The following MALRD1 variants were observed in gnomAD, a reference collection of about 807,000 sequenced individuals.
MALRD1 encodes the protein MAM and LDL-receptor class A domain-containing protein 1.
Under a neutral mutation model 242.1 loss-of-function variants are expected in MALRD1, and 247 were observed. The ratio of observed to expected loss-of-function variants is 1.02; its 90% CI spans 0.92 to 1.13. MALRD1 has a LOEUF of 1.13. MALRD1 is among the 50% of genes most tolerant of loss of function. The probability of loss-of-function intolerance (pLI) is 0.00; values close to 1 mark genes in which losing one functional copy is unlikely to be tolerated. For synonymous variants in MALRD1, 995 were observed against 866.6 expected (o/e 1.15, Z -2.60); for missense variants, 2,989 against 2,533.1 (o/e 1.18, Z -3.86).
chr10:19,396,144 T>C (rs886462455), intron 28 of MALRD1, among the ~76,000 whole-genome samples: 53 of 3,634 alleles, frequency 0.015, no homozygotes, highest in East Asian at 0.11. Flanking sequence ...TTTTTTTCTT[T>C]TTTTTTTTTT....
chr10:19,301,879 A>T (rs1280685670), intron 21 of MALRD1, among the ~76,000 whole-genome samples: 2 of 151,874 alleles, frequency 1.3e-5, no homozygotes, highest in Non-Finnish European at 2.9e-5. Context: ...CTTAAAAGGA[A>T]AAAAAGAATA....
At chr10:19,681,078 T>A (rs1004196601) in intron 36 of MALRD1, among the ~76,000 whole-genome samples, 1 of 152,124 alleles carries the variant, frequency 6.6e-6, no homozygotes, top group Non-Finnish European at 1.5e-5. Flanking sequence ...CCCTTAACAT[T>A]TTTTTCCTTC....
At chr10:19,440,547 A>T (rs545036169) in intron 28 of MALRD1, among the ~76,000 whole-genome samples, 4 of 151,958 alleles carry the variant, frequency 2.6e-5, no homozygotes, top group East Asian at 1.9e-4. Context: ...CCTGTGTCCA[A>T]GTGTTCTCAT....
intron 32 of MALRD1, among the ~76,000 whole-genome samples, chr10:19,531,821 G>C (rs989312558): frequency 6.6e-6 from 1 of 152,136 alleles, no homozygotes; most frequent in Non-Finnish European, 1.5e-5. Flanking sequence ...GCAATAATCT[G>C]TACCAAATGC....
intron 11 of MALRD1, among the ~76,000 whole-genome samples, chr10:19,147,526 A>G (rs1833765269): frequency 2.0e-5 from 3 of 152,234 alleles, no homozygotes; most frequent in Admixed American, 2.0e-4. Context: ...GTAACTATGT[A>G]TTAACAACAC....
chr10:19,524,947 A>G (rs1424557030), intron 31 of MALRD1, among the ~76,000 whole-genome samples: 2 of 151,886 alleles, frequency 1.3e-5, no homozygotes, highest in African/African-American at 4.8e-5. Context: ...CTTGTTATCC[A>G]GGCTGAAGTG....
At position 19,289,812 on chromosome 10, in the gene MALRD1, G is replaced by A. The variant is rs538173019; in HGVS notation, c.3419+6631G>A. On this transcript the variant is annotated intron_variant, in intron 21 of 39. Transcript: ENST00000454679. ...TAGAAATTTAAAGCCAGGTTTTTAA[G>A]GATGTTGTTTTGGAAATAGTTCTCA... Among the ~76,000 whole-genome samples the A allele has an allele frequency of 3.9e-5, 6 of 152,106 alleles. No individual in the cohort carries two copies. The South Asian group carries it at 6.2e-4, about 16-fold the overall frequency.
Position 19,730,712 on chromosome 10 carries a change from C to T in MALRD1, c.6321C>T (p.Thr2107=), listed in dbSNP as rs1306165478. The part of the protein sequence containing the change: ...LANRKVPIRK[T]EGSGNCAFVN... ...TGGCCCTGTGTGCTTTAAGGAAAACCGAGGGAAGTGGTAACTGTGCCTTTG... is the reference window on the plus strand; with the variant it reads ...TGGCCCTGTGTGCTTTAAGGAAAACTGAGGGAAGTGGTAACTGTGCCTTTG... The change falls in exon 39 of 40, where the codon ACC becomes ACT. Residue 2107 remains threonine, a synonymous_variant. Coordinates refer to ENST00000454679, the MANE Select transcript of MALRD1 (RefSeq NM_001142308.3). The T allele has an allele frequency of 1.7e-5, 26 of 1,536,256 alleles. No individual in the cohort carries two copies. Among genetic ancestry groups the T allele is most frequent in the Non-Finnish European group, 2.1e-5 (24 of 1,147,008 alleles).
At chr10:19,188,774 T>C (rs1835846860) in intron 14 of MALRD1, among the ~76,000 whole-genome samples, 1 of 152,076 alleles carries the variant, frequency 6.6e-6, no homozygotes. Flanking sequence ...GTGTCAGAAA[T>C]GGAAGCAGAA....
rs145136217 is a variant in MALRD1, at chr10:19,423,619, C to T, written c.4846-26688C>T. ...GAATGTAGGCACATGGAGAGGTTCC[C>T]GTGGCAGGTCATCATGTATGTCAAA... On this transcript the variant is annotated intron_variant, in intron 28 of 39. Coordinates refer to ENST00000454679, the MANE Select transcript of MALRD1 (RefSeq NM_001142308.3). Among the ~76,000 whole-genome samples the T allele has an allele frequency of 1.9e-3, 282 of 152,122 alleles. 1 individual carries two copies. The highest frequency in any genetic ancestry group is 6.5e-3 in the African/African-American group (269 of 41,498).
At chr10:19,447,055 C>T (rs1835028326) in intron 28 of MALRD1, among the ~76,000 whole-genome samples, 2 of 98,022 alleles carry the variant, frequency 2.0e-5, no homozygotes, top group South Asian at 9.3e-4. Flanking sequence ...CACACACACA[C>T]ACACACATAC....
At chr10:19,603,670 A>C (rs1299321628) in intron 34 of MALRD1, among the ~76,000 whole-genome samples, 1 of 152,060 alleles carries the variant, frequency 6.6e-6, no homozygotes, top group East Asian at 1.9e-4. Flanking sequence ...TTGTCTTGGC[A>C]ATGCGGGCCC....
At chr10:19,467,929 G>A (rs1274425137) in intron 29 of MALRD1, among the ~76,000 whole-genome samples, 2 of 152,016 alleles carry the variant, frequency 1.3e-5, no homozygotes, top group African/African-American at 4.8e-5. Flanking sequence ...GAGCAGCTGA[G>A]ATTACAGGCA....
At position 19,430,111 on chromosome 10, in the gene MALRD1, C is replaced by CTTTTTTTTTTTTTTTT. The variant is rs1156254998; in HGVS notation, c.4846-20190_4846-20175dup. Among the ~76,000 whole-genome samples, 28 of 83,524 alleles carry CTTTTTTTTTTTTTTTT rather than the reference C, an allele frequency of 3.4e-4. 4 individuals are homozygous for CTTTTTTTTTTTTTTTT. The highest frequency in any genetic ancestry group is 5.4e-4 in the African/African-American group (11 of 20,438). The allele number at this position is 83,524 out of a possible 152,430, so 54.8% of individuals were successfully genotyped here. On this transcript the variant is annotated intron_variant, in intron 28 of 39. Transcript: ENST00000454679. The stretch of plus-strand genomic sequence containing the variant: ...CTTTGCTTGGAATTTCTCCATTTTC[C>CTTTTTTTTTTTTTTTT]TTTTTTTTTTTTTTTTTTTTTGAGA...
chr10:19,109,472 G>C (rs1836598599), intron 5 of MALRD1, among the ~76,000 whole-genome samples: 1 of 152,184 alleles, frequency 6.6e-6, no homozygotes, highest in Non-Finnish European at 1.5e-5. Context: ...CCTATAATTT[G>C]GGGGTAAAGA....
chr10:19,181,688 G>A (rs1042626857), intron 14 of MALRD1, among the ~76,000 whole-genome samples: 4 of 151,938 alleles, frequency 2.6e-5, no homozygotes, highest in African/African-American at 7.3e-5. Context: ...ACAGATTTGA[G>A]ATTTGAGATT....
intron 26 of MALRD1, among the ~76,000 whole-genome samples, chr10:19,367,730 TG>T (rs1161243493): frequency 2.0e-5 from 3 of 152,048 alleles, no homozygotes; most frequent in Non-Finnish European, 4.4e-5. Flanking sequence ...TCAAGAAGAG[TG>T]TATAAGAGTT....
In MALRD1 at chr10:19,567,676, T is replaced by G; in HGVS notation, c.5653T>G (p.Ser1885Ala). ...CATCTTTATTGCTCTTGATGACATC[T>G]CTTTTACCCCAGAGTGTGTGACTGG... ...EDIFIALDDI[S>A]FTPECVTGGP... Residue 1885 changes from serine (S) to alanine (A), a missense_variant, in exon 33 of 40, where the codon TCT becomes GCT. Coordinates refer to ENST00000454679, the MANE Select transcript of MALRD1 (RefSeq NM_001142308.3). The G allele has an allele frequency of 6.4e-7, 1 of 1,550,596 alleles. No homozygotes were observed. Among genetic ancestry groups the G allele is most frequent in the Non-Finnish European group, 8.7e-7 (1 of 1,146,864 alleles).
At position 19,191,092 on chromosome 10, in the gene MALRD1, C is replaced by T. The variant is rs75843210; in HGVS notation, c.1952-12636C>T. Among the ~76,000 whole-genome samples, 871 of 152,134 alleles carry T rather than the reference C, an allele frequency of 5.7e-3. 12 individuals are homozygous for T. Among genetic ancestry groups the T allele is most frequent in the African/African-American group, 0.02 (816 of 41,524 alleles). ...TTGATATCCACAATATAGGAGAGAA[C>T]TTCTAAAACTCAATAATAAACCAAC... On this transcript the variant is annotated intron_variant, in intron 14 of 39. Transcript: ENST00000454679.
Sources: allele counts gnomAD v4.1 joint callset (sites outside exome capture counted in the v4.1 genomes callset), GRCh38; gene constraint gnomAD v4.1.1; transcripts MANE v1.5; gene names NCBI Gene and HGNC (gene_info 2026-07-23, HGNC 2026-07-21).